Variants in SUSD1 observed in about 807,000 individuals in gnomAD.
SUSD1 encodes sushi domain containing 1, also known as sushi domain-containing protein 1.
In SUSD1, 65 loss-of-function variants were observed where a neutral mutation model predicts 86.9. The ratio of observed to expected loss-of-function variants is 0.75; its 90% CI spans 0.61 to 0.92. The LOEUF is 0.92. Among genes scored for constraint, SUSD1 ranks in the 40% least tolerant of loss-of-function variants. The pLI, the probability that SUSD1 is intolerant of heterozygous loss-of-function variation, is 0.00. For missense variants in SUSD1, 850 were observed against 929.7 expected (o/e 0.91, Z 1.11); for synonymous variants, 346 against 350.0 (o/e 0.99, Z 0.13).
chr9:112,096,905 C>T (rs1195785763), intron 10 of SUSD1, among the ~76,000 whole-genome samples: 3 of 152,060 alleles, frequency 2.0e-5, no homozygotes, highest in Admixed American at 6.6e-5. Context: ...ATTCAATTTG[C>T]GAGCATTACT....
At chr9:112,163,252 C>T (rs1272836663) in intron 1 of SUSD1, among the ~76,000 whole-genome samples, 1 of 152,044 alleles carries the variant, frequency 6.6e-6, no homozygotes, top group African/African-American at 2.4e-5. Flanking sequence ...ACCTCCTGTG[C>T]TCAAGCTATC....
intron 14 of SUSD1, among the ~76,000 whole-genome samples, 181 bp from the exon 15 acceptor site, chr9:112,052,619 G>A (rs7034671): frequency 0.14 from 21,171 of 152,134 alleles, 1,553 homozygotes; most frequent in South Asian, 0.18. Context: ...AGGGACCGGC[G>A]TGGGTTGCAT....
intron 7 of SUSD1, 75 bp from the exon 8 acceptor site, chr9:112,111,915 A>G: frequency 2.1e-6 from 3 of 1,449,874 alleles, no homozygotes; most frequent in South Asian, 1.3e-5. Context: ...GCTGGAGCCC[A>G]TTCTCCTACT....
At chr9:112,093,243 T>C (rs954448665) in intron 10 of SUSD1, among the ~76,000 whole-genome samples, 12 of 152,196 alleles carry the variant, frequency 7.9e-5, no homozygotes, top group African/African-American at 1.2e-4. Context: ...TGTAATCTAA[T>C]TGGTAGGAGA....
chr9:112,094,379 T>C (rs111532688), intron 10 of SUSD1, among the ~76,000 whole-genome samples: 8,706 of 152,144 alleles, frequency 0.057, 830 homozygotes, highest in African/African-American at 0.2. Context: ...ACAGGCTGAG[T>C]TCACCCCCAC....
intron 14 of SUSD1, among the ~76,000 whole-genome samples, chr9:112,057,495 T>C (rs1440942725): frequency 2.6e-5 from 4 of 152,232 alleles, no homozygotes; most frequent in Non-Finnish European, 5.9e-5. Flanking sequence ...TAAATACCTT[T>C]TTGGTAAGTT....
At chr9:112,100,887 C>CACACACACACACAA (rs1830605942) in intron 9 of SUSD1, among the ~76,000 whole-genome samples, 1 of 148,610 alleles carries the variant, frequency 6.7e-6, no homozygotes, top group Non-Finnish European at 1.5e-5. Context: ...CACACACACA[C>CACACACACACACAA]ACAAATAAAA....
chr9:112,158,464 C>T (rs974436116), intron 1 of SUSD1, among the ~76,000 whole-genome samples: 6 of 152,074 alleles, frequency 3.9e-5, no homozygotes, highest in African/African-American at 1.4e-4. Context: ...GATCTCAGCT[C>T]ACTGCAGCCT....
At chr9:112,074,389 C>T (rs1408137677) in intron 12 of SUSD1, among the ~76,000 whole-genome samples, 1 of 152,164 alleles carries the variant, frequency 6.6e-6, no homozygotes, top group African/African-American at 2.4e-5. Context: ...GCCTATCAGC[C>T]AAGAGTCAGA....
intron 12 of SUSD1, among the ~76,000 whole-genome samples, chr9:112,070,716 G>T (rs2131530272): frequency 6.7e-6 from 1 of 149,222 alleles, no homozygotes; most frequent in Non-Finnish European, 1.5e-5. Flanking sequence ...AGGAGAATTT[G>T]CTCTGCAAAA....
At chr9:112,165,942 G>GAAGA (rs10525522) in intron 1 of SUSD1, among the ~76,000 whole-genome samples, 4,459 of 71,876 alleles carry the variant, frequency 0.062, 188 homozygotes, top group Admixed American at 0.11. Flanking sequence ...AAGAAAGAAA[G>GAAGA]AAGAAAGAAA....
intron 10 of SUSD1, among the ~76,000 whole-genome samples, chr9:112,092,217 A>C (rs28376166): frequency 0.02 from 3,050 of 152,272 alleles, 100 homozygotes; most frequent in African/African-American, 0.069. Context: ...AAATAACCTA[A>C]TCCTACCCCT....
chr9:112,041,563 T>C, intron 16 of SUSD1, 71 bp from the exon 17 acceptor site: 1 of 779,352 alleles, frequency 1.3e-6, no homozygotes, highest in Non-Finnish European at 2.4e-6. Context: ...TGCATCTCTA[T>C]GCACAGCTCA....
chr9:112,068,408 C>T (rs980690834), intron 12 of SUSD1, among the ~76,000 whole-genome samples: 5 of 152,124 alleles, frequency 3.3e-5, no homozygotes, highest in South Asian at 4.1e-4. Flanking sequence ...TAATAAGAAG[C>T]CATTGAAAGA....
At chr9:112,080,041 C>A (rs1232358162) in intron 11 of SUSD1, 33 bp downstream of exon 11, 9 of 1,499,074 alleles carry the variant, frequency 6.0e-6, no homozygotes, top group Non-Finnish European at 8.4e-6. Context: ...ATAAGACAAC[C>A]ATCTATAAAT....
intron 8 of SUSD1, among the ~76,000 whole-genome samples, chr9:112,108,610 T>C (rs951683324): frequency 6.6e-6 from 1 of 151,488 alleles, no homozygotes; most frequent in African/African-American, 2.4e-5. Context: ...AAACCCTGTC[T>C]CTACAAAAAA....
At chr9:112,041,998 G>A (rs947979639) in intron 15 of SUSD1, 38 bp from the exon 16 acceptor site, 4 of 1,606,834 alleles carry the variant, frequency 2.5e-6, no homozygotes, top group African/African-American at 1.3e-5. Context: ...CAGAGTGCAC[G>A]GCATCACCAC....
intron 1 of SUSD1, among the ~76,000 whole-genome samples, chr9:112,160,719 C>G (rs1302480116): frequency 6.6e-6 from 1 of 152,050 alleles, no homozygotes; most frequent in South Asian, 2.1e-4. Context: ...ATGGTAATTG[C>G]CTTAGCAGAG....
chr9:112,069,404 CAGAG>C (rs143605615), intron 12 of SUSD1, among the ~76,000 whole-genome samples: 17,652 of 151,904 alleles, frequency 0.12, 3,382 homozygotes, highest in African/African-American at 0.4. Context: ...AAGAGCAGTC[CAGAG>C]AGAGATTCTG....
Sources: allele counts gnomAD v4.1 joint callset (sites outside exome capture counted in the v4.1 genomes callset), GRCh38; gene constraint gnomAD v4.1.1; transcripts MANE v1.5; gene names NCBI Gene and HGNC (gene_info 2026-07-23, HGNC 2026-07-21).